Variants in DOCK4 observed in about 807,000 individuals in gnomAD.
DOCK4 encodes dedicator of cytokinesis 4, also known as dedicator of cytokinesis protein 4.
In DOCK4, 97 loss-of-function variants were observed where a neutral mutation model predicts 268.1. The observed-to-expected ratio is 0.36, with a 90% CI of 0.31 to 0.43. DOCK4 has a LOEUF of 0.43. Among genes scored for constraint, DOCK4 ranks in the 20% least tolerant of loss-of-function variants. DOCK4 has a pLI of 1.00. For synonymous variants in DOCK4, 954 were observed against 887.2 expected, an observed-to-expected ratio of 1.08 and a Z score of -1.34; for missense variants, 2,145 against 2,455.7, an observed-to-expected ratio of 0.87 and a Z score of 2.67.
chr7:111,920,692 G>C (rs1793030772), intron 12 of DOCK4, among the ~76,000 whole-genome samples: 1 of 152,152 alleles, frequency 6.6e-6, no homozygotes, highest in Admixed American at 6.5e-5. Context: ...TATGGCTTGA[G>C]AGGAGGGTGG....
intron 1 of DOCK4, among the ~76,000 whole-genome samples, chr7:112,203,793 G>T (rs887694066): frequency 1.3e-5 from 2 of 149,084 alleles, no homozygotes; most frequent in African/African-American, 2.5e-5. Context: ...GAAAAATAAA[G>T]TCCACACATA....
chr7:111,972,907 C>T (rs1797838579), intron 8 of DOCK4, among the ~76,000 whole-genome samples: 1 of 151,604 alleles, frequency 6.6e-6, no homozygotes, highest in Non-Finnish European at 1.5e-5. Context: ...GCAGTGTACA[C>T]TGTACCCAAT....
chr7:112,052,275 T>A (rs1047501705), intron 1 of DOCK4, among the ~76,000 whole-genome samples: 2 of 152,116 alleles, frequency 1.3e-5, no homozygotes, highest in Non-Finnish European at 2.9e-5. Context: ...GTTGACTGTA[T>A]GTGTGTGTGT....
At chr7:111,972,560 G>A (rs1415196528) in intron 8 of DOCK4, among the ~76,000 whole-genome samples, 1 of 151,732 alleles carries the variant, frequency 6.6e-6, no homozygotes, top group Non-Finnish European at 1.5e-5. Flanking sequence ...TTCCTAATCC[G>A]TCCTCTACAG....
chr7:111,831,967 G>A (rs1341624319), intron 26 of DOCK4, among the ~76,000 whole-genome samples: 1 of 152,144 alleles, frequency 6.6e-6, no homozygotes, highest in African/African-American at 2.4e-5. Flanking sequence ...TTGAATGCCT[G>A]CTATGTGCTA....
intron 25 of DOCK4, among the ~76,000 whole-genome samples, chr7:111,840,168 T>C (rs1803568241): frequency 1.3e-5 from 2 of 152,218 alleles, no homozygotes; most frequent in Admixed American, 6.5e-5. Flanking sequence ...GCAAGGGTAT[T>C]GGATGGCTAC....
intron 25 of DOCK4, among the ~76,000 whole-genome samples, chr7:111,835,631 A>G (rs975421805): frequency 2.6e-5 from 4 of 152,348 alleles, no homozygotes; most frequent in African/African-American, 9.6e-5. Flanking sequence ...AACAAATACA[A>G]TAGGAGAGGC....
At chr7:112,023,865 C>G (rs1349625469) in intron 1 of DOCK4, among the ~76,000 whole-genome samples, 1 of 152,196 alleles carries the variant, frequency 6.6e-6, no homozygotes, top group Non-Finnish European at 1.5e-5. Flanking sequence ...TATTCTAGCT[C>G]TTTTCATGTC....
intron 1 of DOCK4, among the ~76,000 whole-genome samples, chr7:112,111,331 G>A (rs1302264068): frequency 6.6e-6 from 1 of 152,112 alleles, no homozygotes; most frequent in Non-Finnish European, 1.5e-5. Context: ...GAGGGAGGGG[G>A]TAGGGAAGGC....
intron 1 of DOCK4, among the ~76,000 whole-genome samples, chr7:112,018,184 A>ACG (rs1802021393): frequency 7.1e-6 from 1 of 139,952 alleles, no homozygotes; most frequent in East Asian, 2.2e-4. Context: ...AAAAAAACAC[A>ACG]GGCAACCAGT....
chr7:111,792,603 G>T (rs1799626574), intron 30 of DOCK4, among the ~76,000 whole-genome samples: 2 of 152,062 alleles, frequency 1.3e-5, no homozygotes, highest in Non-Finnish European at 2.9e-5. Context: ...GGCTGGTCTT[G>T]AACTCCTGAC....
chr7:111,786,267 C>T (rs1799156785), intron 32 of DOCK4, among the ~76,000 whole-genome samples: 1 of 152,094 alleles, frequency 6.6e-6, no homozygotes, highest in African/African-American at 2.4e-5. Context: ...CTTTAGAGCC[C>T]CCAAGACTGT....
At chr7:112,109,846 G>A (rs113420481) in intron 1 of DOCK4, among the ~76,000 whole-genome samples, 4,482 of 148,604 alleles carry the variant, frequency 0.03, 238 homozygotes, top group African/African-American at 0.1. Flanking sequence ...CCGGGTTCAC[G>A]CCATTCTCCT....
intron 41 of DOCK4, among the ~76,000 whole-genome samples, chr7:111,756,004 G>A (rs1264461560): frequency 6.6e-6 from 1 of 152,170 alleles, no homozygotes; most frequent in East Asian, 1.9e-4. Context: ...GAACAACAGA[G>A]TCCTAAGGGA....
chr7:112,037,759 T>C (rs931890675), intron 1 of DOCK4, among the ~76,000 whole-genome samples: 6 of 152,322 alleles, frequency 3.9e-5, no homozygotes, highest in African/African-American at 1.4e-4. Context: ...TTCTTTTGAA[T>C]AAATACCAGC....
rs140724296 is a variant in DOCK4, at chr7:111,962,885, C to A, written c.701+14247G>T. ...TTAATTAAGACTTTTTGTATTTAAT[C>A]ATCGGGATAACACTTTTTCCAGAAG... On this transcript the variant is annotated intron_variant, in intron 8 of 52. Coordinates refer to ENST00000428084, the MANE Select transcript of DOCK4 (RefSeq NM_001363540.2). Among the ~76,000 whole-genome samples the A allele has an allele frequency of 4.4e-3, 670 of 152,242 alleles. 4 individuals are homozygous for A. Among genetic ancestry groups the A allele is most frequent in the African/African-American group, 0.016 (649 of 41,542 alleles).
chr7:111,777,295 G>A (rs755233905), intron 36 of DOCK4, among the ~76,000 whole-genome samples: 1 of 152,118 alleles, frequency 6.6e-6, no homozygotes, highest in Non-Finnish European at 1.5e-5. Context: ...TTAGATGAAG[G>A]AAAACTTAGA....
At chr7:112,128,815 A>T (rs1429915741) in intron 1 of DOCK4, among the ~76,000 whole-genome samples, 1 of 151,878 alleles carries the variant, frequency 6.6e-6, no homozygotes, top group Non-Finnish European at 1.5e-5. Flanking sequence ...AAAACCAGAG[A>T]CCTTTGTTCA....
Position 111,932,986 on chromosome 7 carries a change from C to G in DOCK4, c.1066+2554G>C, listed in dbSNP as rs73717907. Among the ~76,000 whole-genome samples the G allele has an allele frequency of 3.0e-3, 453 of 151,676 alleles. 4 individuals are homozygous for G. Among genetic ancestry groups the G allele is most frequent in the African/African-American group, 0.01 (429 of 41,346 alleles). ...ACAAGATGTGTTCTCTAACAAATAG[C>G]AGCTCTACTATCTTACTGAGGGGGT... On this transcript the variant is annotated intron_variant, in intron 12 of 52. Transcript: ENST00000428084.
Sources: allele counts gnomAD v4.1 joint callset (sites outside exome capture counted in the v4.1 genomes callset), GRCh38; gene constraint gnomAD v4.1.1; transcripts MANE v1.5; gene names NCBI Gene and HGNC (gene_info 2026-07-23, HGNC 2026-07-21).